Variants in CA10 observed in about 807,000 individuals in gnomAD.
The protein encoded by CA10 is carbonic anhydrase-related protein 10.
In CA10, 14 loss-of-function variants were observed where a neutral mutation model predicts 44.2. That is an observed-to-expected ratio of 0.32 (90% confidence interval 0.21 to 0.50). CA10 has a LOEUF of 0.50. CA10 is among the 20% of genes least tolerant of loss of function. The probability of loss-of-function intolerance (pLI) is 0.99; values close to 1 mark genes in which losing one functional copy is unlikely to be tolerated. For synonymous variants in CA10, 159 were observed against 141.6 expected (o/e 1.12, Z -0.87); for missense variants, 350 against 409.7 (o/e 0.85, Z 1.26).
intron 1 of CA10, among the ~76,000 whole-genome samples, chr17:52,111,764 G>A (rs2143286458): frequency 6.6e-6 from 1 of 152,270 alleles, no homozygotes; most frequent in Non-Finnish European, 1.5e-5. Context: ...TCAACTTTAT[G>A]TTCAGTGCTC....
At chr17:51,775,418 C>T (rs996916212) in intron 3 of CA10, among the ~76,000 whole-genome samples, 1 of 152,192 alleles carries the variant, frequency 6.6e-6, no homozygotes, top group African/African-American at 2.4e-5. Context: ...TCACCTGACT[C>T]CTGGGTCTTT....
At position 52,157,826 on chromosome 17, in the gene CA10, A is replaced by G; in HGVS notation, c.-40T>C. ...TCCAAGTGCATCACTCGACGGGAAA[A>G]CGGGGGGAAGGGGGGAGCCCGACAC... is the stretch of plus-strand genomic sequence containing the variant. On this transcript the variant is annotated 5_prime_UTR_variant, in exon 1 of 9. Transcript: ENST00000451037. 3.8e-6 allele frequency: 6 copies of G among 1,566,398 alleles called. No individual in the cohort carries two copies. Among genetic ancestry groups the G allele is most frequent in the Non-Finnish European group, 5.3e-6 (6 of 1,136,620 alleles).
rs4058505 is a variant in CA10, at chr17:51,649,878, G to GA, written c.562-625dup. Among the ~76,000 whole-genome samples the GA allele has an allele frequency of 7.5e-3, 1,074 of 142,716 alleles. 8 individuals carry two copies. The highest frequency in any genetic ancestry group is 0.017 in the African/African-American group (668 of 38,620). 93.6% of individuals were successfully genotyped at this position (142,716 alleles called of 152,430 possible). ...CCCAGAATAGAGGTATAAGGAAATG[G>GA]AAAAAAAAAAAAACTGAAAAGTATC... is the stretch of plus-strand genomic sequence containing the variant. On this transcript the variant is annotated intron_variant, in intron 5 of 8. Coordinates refer to ENST00000451037, the MANE Select transcript of CA10 (RefSeq NM_020178.5).
intron 2 of CA10, among the ~76,000 whole-genome samples, chr17:51,988,741 A>G (rs570801789): frequency 5.9e-5 from 9 of 152,058 alleles, no homozygotes; most frequent in Non-Finnish European, 1.0e-4. Flanking sequence ...GTTGGTAAAA[A>G]TGTCCTAGGG....
chr17:52,134,301 T>C (rs906748055), intron 1 of CA10, among the ~76,000 whole-genome samples: 1 of 152,264 alleles, frequency 6.6e-6, no homozygotes, highest in East Asian at 1.9e-4. Flanking sequence ...TCTTAACTTA[T>C]TGTAACCTTG....
At chr17:51,988,252 G>C (rs1984915226) in intron 2 of CA10, among the ~76,000 whole-genome samples, 1 of 151,902 alleles carries the variant, frequency 6.6e-6, no homozygotes, top group Non-Finnish European at 1.5e-5. Flanking sequence ...AAATCGAGTT[G>C]GGTTTTAGAC....
intron 2 of CA10, among the ~76,000 whole-genome samples, chr17:51,944,547 C>A (rs1396669879): frequency 1.3e-5 from 2 of 152,048 alleles, no homozygotes; most frequent in Non-Finnish European, 2.9e-5. Flanking sequence ...AAATGTGCAA[C>A]AATAATAGGG....
At chr17:51,740,769 G>A (rs1450749148) in intron 4 of CA10, among the ~76,000 whole-genome samples, 1 of 152,036 alleles carries the variant, frequency 6.6e-6, no homozygotes, top group Non-Finnish European at 1.5e-5. Context: ...TCATGGTACT[G>A]GCGATTGCCT....
At chr17:52,062,685 C>G (rs1291650305) in intron 2 of CA10, among the ~76,000 whole-genome samples, 1 of 152,210 alleles carries the variant, frequency 6.6e-6, no homozygotes. Context: ...AGCCATAAAT[C>G]TCAGCAGCAT....
chr17:51,750,026 TTTAG>T (rs1331981773), intron 3 of CA10, among the ~76,000 whole-genome samples: 65 of 152,350 alleles, frequency 4.3e-4, no homozygotes, highest in African/African-American at 1.5e-3. Context: ...TAAATGTATA[TTTAG>T]TTAGTGTGAG....
intron 6 of CA10, among the ~76,000 whole-genome samples, chr17:51,645,181 C>T (rs1288606659): frequency 1.3e-5 from 2 of 152,176 alleles, no homozygotes; most frequent in South Asian, 2.1e-4. Flanking sequence ...TCAGTGCCAT[C>T]GTCTCATTAT....
chr17:51,882,254 ATAAG>A (rs1314006202), intron 3 of CA10, among the ~76,000 whole-genome samples: 2 of 152,142 alleles, frequency 1.3e-5, no homozygotes, highest in African/African-American at 4.8e-5. Context: ...TATACAAAAT[ATAAG>A]TAATTGATGA....
intron 4 of CA10, among the ~76,000 whole-genome samples, chr17:51,712,190 G>T (rs1245478377): frequency 6.6e-6 from 1 of 152,210 alleles, no homozygotes; most frequent in Non-Finnish European, 1.5e-5. Context: ...AGTGTCCACT[G>T]AATATGATGC....
intron 6 of CA10, among the ~76,000 whole-genome samples, chr17:51,644,594 T>C (rs1218218362): frequency 2.0e-5 from 3 of 152,104 alleles, no homozygotes; most frequent in Non-Finnish European, 2.9e-5. Context: ...GGGTACCTTA[T>C]AAACATCTCA....
chr17:52,108,358 C>T (rs1988713874), intron 1 of CA10, among the ~76,000 whole-genome samples: 1 of 151,394 alleles, frequency 6.6e-6, no homozygotes, highest in African/African-American at 2.4e-5. Flanking sequence ...CATTGTATGT[C>T]CTCACTGATA....
intron 2 of CA10, among the ~76,000 whole-genome samples, chr17:52,027,612 A>G (rs1986340832): frequency 6.6e-6 from 1 of 152,130 alleles, no homozygotes; most frequent in African/African-American, 2.4e-5. Flanking sequence ...GGAAGCCCTG[A>G]GGCTGAAGCA....
At chr17:51,987,396 G>A (rs1039243028) in intron 2 of CA10, among the ~76,000 whole-genome samples, 1 of 151,910 alleles carries the variant, frequency 6.6e-6, no homozygotes, top group Non-Finnish European at 1.5e-5. Flanking sequence ...AAGGGGGCGA[G>A]GGATAAAAGA....
intron 1 of CA10, among the ~76,000 whole-genome samples, chr17:52,076,790 T>A (rs1174581642): frequency 1.3e-5 from 2 of 152,168 alleles, no homozygotes; most frequent in Non-Finnish European, 2.9e-5. Flanking sequence ...AGATCCTTGG[T>A]AGTCATCTTG....
At chr17:52,018,152 C>A (rs956619559) in intron 2 of CA10, among the ~76,000 whole-genome samples, 27 of 152,134 alleles carry the variant, frequency 1.8e-4, no homozygotes, top group African/African-American at 6.0e-4. Flanking sequence ...TCAGAAAGAG[C>A]CTTTGCTAGG....
Sources: gnomAD v4.1 joint callset for allele counts (sites outside exome capture counted in the v4.1 genomes callset) on GRCh38, gnomAD v4.1.1 for gene constraint, MANE v1.5 for transcripts, NCBI Gene and HGNC (gene_info 2026-07-23, HGNC 2026-07-21) for gene names.